The following AP4S1 variants were observed in gnomAD, a reference collection of about 807,000 sequenced individuals.
The protein encoded by AP4S1 is adaptor related protein complex 4 subunit sigma 1, also known as AP-4 complex subunit sigma-1.
A neutral mutation model predicts 19.8 loss-of-function variants in AP4S1; 23 were observed. The observed-to-expected ratio is 1.16, with a 90% confidence interval of 0.84 to 1.65. The LOEUF is 1.65. AP4S1 is among the 40% of genes most tolerant of loss of function. The pLI is 0.00. For missense variants in AP4S1, 166 were observed against 172.8 expected (o/e 0.96, Z 0.22); for synonymous variants, 46 against 54.1 (o/e 0.85, Z 0.66).
intron 1 of AP4S1, chr14:31,026,324 C>T (rs1883929884): frequency 2.1e-6 from 2 of 938,002 alleles, no homozygotes; most frequent in Non-Finnish European, 2.9e-6. Flanking sequence ...TGTGTGCCTG[C>T]CGTGGGTCAG....
chr14:31,074,054 G>C (rs1283292272), intron 4 of AP4S1, among the ~76,000 whole-genome samples: 1 of 151,854 alleles, frequency 6.6e-6, no homozygotes, highest in Admixed American at 6.6e-5. Flanking sequence ...AATTGGCCGG[G>C]TGTGGCTGAC....
intron 1 of AP4S1, among the ~76,000 whole-genome samples, chr14:31,029,216 A>G (rs1333337099): frequency 6.6e-6 from 1 of 151,632 alleles, no homozygotes; most frequent in African/African-American, 2.4e-5. Flanking sequence ...AAACCTTCCC[A>G]CCTCCATTCT....
intron 1 of AP4S1, among the ~76,000 whole-genome samples, chr14:31,048,399 C>A (rs1474617811): frequency 6.6e-6 from 1 of 151,992 alleles, no homozygotes; most frequent in African/African-American, 2.4e-5. Context: ...GCATGAGCCA[C>A]CATGCCTGGC....
At chr14:31,032,071 CAAA>C (rs71905676) in intron 1 of AP4S1, among the ~76,000 whole-genome samples, 7 of 110,636 alleles carry the variant, frequency 6.3e-5, no homozygotes, top group Admixed American at 1.8e-4. Context: ...GACCTTGTCC[CAAA>C]AAAAAAAAAA....
intron 4 of AP4S1, among the ~76,000 whole-genome samples, chr14:31,073,616 T>C (rs1367058459): frequency 6.6e-6 from 1 of 151,712 alleles, no homozygotes; most frequent in Admixed American, 6.6e-5. Flanking sequence ...ATTTTTTTAT[T>C]TTTTGAGACA....
At chr14:31,035,482 C>T (rs1884689474) in intron 1 of AP4S1, among the ~76,000 whole-genome samples, 1 of 151,776 alleles carries the variant, frequency 6.6e-6, no homozygotes, top group Admixed American at 6.6e-5. Context: ...TAAGCAACCA[C>T]GCCCAGCCAG....
intron 1 of AP4S1, among the ~76,000 whole-genome samples, chr14:31,056,728 A>G (rs935414456): frequency 6.6e-6 from 1 of 152,210 alleles, no homozygotes; most frequent in Non-Finnish European, 1.5e-5. Context: ...GTGTTAGAAA[A>G]GAGAATAATG....
rs561072011 is a variant in AP4S1, at chr14:31,049,108, AT to A, written c.-71-17015del. On this transcript the variant is annotated intron_variant, in intron 1 of 5. Transcript: ENST00000542754. The stretch of plus-strand genomic sequence containing the variant: ...TACAAAAAAAAACAACCAAAAACCC[AT>A]TTCTACAAAAATTAGCCAGGCATGC... Among the ~76,000 whole-genome samples the A allele has an allele frequency of 2.3e-3, 346 of 150,932 alleles. 2 individuals carry two copies. The highest frequency in any genetic ancestry group is 0.01 in the Middle Eastern group (3 of 292).
intron 5 of AP4S1, among the ~76,000 whole-genome samples, chr14:31,090,965 CCT>C (rs1487285792): frequency 6.6e-6 from 1 of 152,212 alleles, no homozygotes; most frequent in Non-Finnish European, 1.5e-5. Context: ...TATACAGTGA[CCT>C]CACTGAGCAA....
chr14:31,040,846 A>G (rs770691631), intron 1 of AP4S1, among the ~76,000 whole-genome samples: 2 of 152,002 alleles, frequency 1.3e-5, no homozygotes, highest in Non-Finnish European at 2.9e-5. Flanking sequence ...GGGAATCAGG[A>G]TATCTAATAA....
intron 5 of AP4S1, among the ~76,000 whole-genome samples, chr14:31,082,490 A>T (rs1887687169): frequency 6.6e-6 from 1 of 152,218 alleles, no homozygotes; most frequent in Admixed American, 6.5e-5. Flanking sequence ...GGGCTAAAAG[A>T]CACTTCACTG....
At chr14:31,056,006 G>C (rs919170892) in intron 1 of AP4S1, among the ~76,000 whole-genome samples, 1 of 151,632 alleles carries the variant, frequency 6.6e-6, no homozygotes, top group African/African-American at 2.4e-5. Flanking sequence ...ACCATGCCAG[G>C]CTAATTTTTT....
intron 1 of AP4S1, among the ~76,000 whole-genome samples, chr14:31,064,243 G>GT (rs993120906): frequency 1.1e-4 from 16 of 152,116 alleles, no homozygotes; most frequent in African/African-American, 3.6e-4. Context: ...GTGACTTTGG[G>GT]TATCTTCTTT....
At chr14:31,063,120 AC>A (rs985444152) in intron 1 of AP4S1, among the ~76,000 whole-genome samples, 1 of 151,466 alleles carries the variant, frequency 6.6e-6, no homozygotes, top group Non-Finnish European at 1.5e-5. Context: ...AAATAGTGAG[AC>A]CCCCATCTCT....
chr14:31,045,770 A>G (rs1885360748), intron 1 of AP4S1, among the ~76,000 whole-genome samples: 1 of 152,082 alleles, frequency 6.6e-6, no homozygotes, highest in South Asian at 2.1e-4. Flanking sequence ...CCTAAGTAGT[A>G]GGTGTGTCTT....
chr14:31,054,366 G>A (rs920845634), intron 1 of AP4S1, among the ~76,000 whole-genome samples: 1 of 152,146 alleles, frequency 6.6e-6, no homozygotes, highest in Non-Finnish European at 1.5e-5. Context: ...AAGACCCCGT[G>A]TCTACAAAAA....
chr14:31,053,237 G>A (rs753991941), intron 1 of AP4S1, among the ~76,000 whole-genome samples: 1 of 152,086 alleles, frequency 6.6e-6, no homozygotes, highest in Non-Finnish European at 1.5e-5. Flanking sequence ...CACCGCGTCC[G>A]GCCTTGTGCT....
At chr14:31,033,619 A>G (rs765799230) in intron 1 of AP4S1, among the ~76,000 whole-genome samples, 7 of 152,246 alleles carry the variant, frequency 4.6e-5, no homozygotes, top group Admixed American at 2.0e-4. Context: ...CAAAATGTTT[A>G]ATGCATGTGT....
At chr14:31,040,704 T>C (rs1885058386) in intron 1 of AP4S1, among the ~76,000 whole-genome samples, 1 of 152,152 alleles carries the variant, frequency 6.6e-6, no homozygotes, top group African/African-American at 2.4e-5. Context: ...TTAAATTGTG[T>C]CTTGGACCAG....
Sources: allele counts gnomAD v4.1 joint callset (sites outside exome capture counted in the v4.1 genomes callset), GRCh38; gene constraint gnomAD v4.1.1; transcripts MANE v1.5; gene names NCBI Gene and HGNC (gene_info 2026-07-23, HGNC 2026-07-21).